NVL: variants seen among roughly 807,000 people sequenced by gnomAD.
NVL encodes nuclear valosin-containing protein-like.
In NVL, 84 loss-of-function variants were observed where a neutral mutation model predicts 110.2. The observed-to-expected ratio is 0.76, with a 90% CI of 0.64 to 0.91. The LOEUF (loss-of-function observed/expected upper bound fraction) is 0.91, where lower values mean the gene tolerates loss of function less well. Ranked by LOEUF, NVL falls within the 40% of genes least tolerant of loss-of-function variation. NVL has a pLI of 0.00. For synonymous variants in NVL, 354 were observed against 361.1 expected, an observed-to-expected ratio of 0.98 and a Z score of 0.22; for missense variants, 882 against 1,035.9, an observed-to-expected ratio of 0.85 and a Z score of 2.04.
chr1:224,329,689 A>G (rs1400272115), intron 1 of NVL, among the ~76,000 whole-genome samples: 9 of 152,196 alleles, frequency 5.9e-5, no homozygotes, highest in Non-Finnish European at 1.3e-4. Flanking sequence ...CATATTATTT[A>G]TGCCACCCCT....
At chr1:224,302,263 C>T (rs992897869) in intron 9 of NVL, among the ~76,000 whole-genome samples, 3 of 151,988 alleles carry the variant, frequency 2.0e-5, no homozygotes, top group Non-Finnish European at 4.4e-5. Context: ...AGTGCAATGG[C>T]ATGATCTTGG....
chr1:224,308,839 A>G lies in NVL; in HGVS notation c.343-576T>C, dbSNP rs530012378. On this transcript the variant is annotated intron_variant, in intron 5 of 22. Transcript: ENST00000281701. ...CACTTTGGGAAGCCGAGGCGGGCGG[A>G]TCACGAGGTCAGGAGATCAAAACCA... Among the ~76,000 whole-genome samples the G allele has an allele frequency of 4.2e-3, 632 of 152,178 alleles. 5 individuals are homozygous for G. The highest frequency in any genetic ancestry group is 0.015 in the African/African-American group (608 of 41,534).
intron 21 of NVL, 132 bp from the exon 22 acceptor site, chr1:224,231,428 T>C (rs1032299987): frequency 7.6e-6 from 5 of 661,082 alleles, no homozygotes; most frequent in Non-Finnish European, 1.3e-5. Context: ...TGGGCTCTGT[T>C]CTTTTTCAGA....
At chr1:224,293,627 A>T (rs1279351087) in intron 12 of NVL, among the ~76,000 whole-genome samples, 1 of 152,186 alleles carries the variant, frequency 6.6e-6, no homozygotes, top group Non-Finnish European at 1.5e-5. Context: ...ACTCAGATTT[A>T]ACCTATAAGT....
At chr1:224,314,953 G>A (rs1669921079) in intron 4 of NVL, among the ~76,000 whole-genome samples, 2 of 152,098 alleles carry the variant, frequency 1.3e-5, no homozygotes, top group African/African-American at 4.8e-5. Context: ...GGTGGTTGCA[G>A]CGAGCTGAGA....
Position 224,317,945 on chromosome 1 carries a change from CAAG to C in NVL, c.132-18_132-16del, listed in dbSNP as rs779253849. 1.5e-5 allele frequency: 24 copies of C among 1,565,510 alleles called. No individual in the cohort carries two copies. Among genetic ancestry groups the C allele is most frequent in the Non-Finnish European group, 1.5e-5 (17 of 1,152,224 alleles). On this transcript the variant is annotated splice_polypyrimidine_tract_variant and intron_variant, in intron 2 of 22. Transcript: ENST00000281701. ...CATAGTCTATACTGAAAAAAGAAAA[CAAG>C]AAGTTTACCATAGTAGTCTCCACCA...
At chr1:224,229,406 G>A (rs1659614941) in intron 22 of NVL, among the ~76,000 whole-genome samples, 2 of 152,062 alleles carry the variant, frequency 1.3e-5, no homozygotes, top group Non-Finnish European at 2.9e-5. Context: ...TGGTAGGTGT[G>A]TAGTAGAATC....
chr1:224,262,814 T>C (rs1664121912), intron 18 of NVL, among the ~76,000 whole-genome samples: 1 of 152,180 alleles, frequency 6.6e-6, no homozygotes, highest in South Asian at 2.1e-4. Context: ...GGAAACCTAA[T>C]CAGTGTCATG....
chr1:224,327,168 C>T (rs889150117), intron 1 of NVL, among the ~76,000 whole-genome samples: 9 of 151,110 alleles, frequency 6.0e-5, no homozygotes, highest in African/African-American at 1.5e-4. Flanking sequence ...TAAGCCCGGG[C>T]GTGGTGGCTC....
intron 8 of NVL, among the ~76,000 whole-genome samples, chr1:224,304,435 A>G (rs1387171785): frequency 1.3e-5 from 2 of 152,052 alleles, no homozygotes; most frequent in African/African-American, 4.8e-5. Flanking sequence ...AAATAAATAA[A>G]TAAAATAAAA....
intron 19 of NVL, among the ~76,000 whole-genome samples, chr1:224,237,961 CAAA>C (rs200152434): frequency 9.6e-5 from 13 of 135,744 alleles, no homozygotes; most frequent in Non-Finnish European, 9.2e-5. Context: ...GACTTGGTTT[CAAA>C]AAAAAAAAAA....
intron 18 of NVL, among the ~76,000 whole-genome samples, chr1:224,267,686 C>CAAAAA (rs532968583): frequency 1.9e-5 from 1 of 51,534 alleles, no homozygotes; most frequent in Admixed American, 2.2e-4. Flanking sequence ...GATTCTGTCT[C>CAAAAA]AAAAAAAAAA....
chr1:224,303,011 T>C (rs1668572988), intron 9 of NVL: 1 of 216,748 alleles, frequency 4.6e-6, no homozygotes, highest in Non-Finnish European at 9.9e-6. Context: ...ATTGCACCAT[T>C]GCACTCCAGC....
intron 19 of NVL, among the ~76,000 whole-genome samples, chr1:224,247,119 T>A (rs572420172): frequency 2.6e-5 from 4 of 151,304 alleles, no homozygotes; most frequent in African/African-American, 7.3e-5. Flanking sequence ...GCAGTCATCA[T>A]CAAGCTTGTT....
intron 12 of NVL, 107 bp downstream of exon 12, chr1:224,294,156 AAAAG>A (rs1667642975): frequency 8.4e-7 from 1 of 1,195,826 alleles, no homozygotes; most frequent in Non-Finnish European, 1.2e-6. Context: ...AATTGGTACA[AAAAG>A]AAAGAGAGAG....
chr1:224,270,265 A>G (rs545398008), intron 17 of NVL, among the ~76,000 whole-genome samples: 14 of 152,292 alleles, frequency 9.2e-5, no homozygotes, highest in Admixed American at 3.3e-4. Context: ...CATTAAAGCC[A>G]TAATATTCTG....
At chr1:224,314,073 A>G (rs914021409) in intron 4 of NVL, among the ~76,000 whole-genome samples, 37 of 152,370 alleles carry the variant, frequency 2.4e-4, no homozygotes, top group African/African-American at 8.9e-4. Flanking sequence ...ATAGTATAAC[A>G]AAGATTGCAG....
At chr1:224,285,667 A>G (rs1229214476) in intron 15 of NVL, among the ~76,000 whole-genome samples, 1 of 152,142 alleles carries the variant, frequency 6.6e-6, no homozygotes, top group Non-Finnish European at 1.5e-5. Flanking sequence ...TACAAGAAAT[A>G]TAGAGGAAAA....
At chr1:224,304,634 T>C (rs1248835644) in intron 8 of NVL, 102 bp downstream of exon 8, 3 of 1,032,840 alleles carry the variant, frequency 2.9e-6, no homozygotes, top group Non-Finnish European at 4.4e-6. Flanking sequence ...CCCAGTTTCC[T>C]TTTCTACACC....
Sources: gnomAD v4.1 joint callset for allele counts (sites outside exome capture counted in the v4.1 genomes callset) on GRCh38, gnomAD v4.1.1 for gene constraint, MANE v1.5 for transcripts, NCBI Gene and HGNC (gene_info 2026-07-23, HGNC 2026-07-21) for gene names.